The following IQCM variants were observed in gnomAD, a reference collection of about 807,000 sequenced individuals.
IQCM encodes the protein IQ domain-containing protein M.
A neutral mutation model predicts 57.6 loss-of-function variants in IQCM; 45 were observed. That is an observed-to-expected ratio of 0.78 (90% CI 0.62 to 1.00). The LOEUF (loss-of-function observed/expected upper bound fraction) is 1.00. IQCM is among the 50% of genes least tolerant of loss of function. IQCM has a pLI of 0.00. For missense variants in IQCM, 468 were observed against 511.6 expected (o/e 0.91, Z 0.82); for synonymous variants, 148 against 158.9 (o/e 0.93, Z 0.51).
chr4:149,708,069 A>G (rs1764289835), intron 5 of IQCM, among the ~76,000 whole-genome samples: 1 of 151,940 alleles, frequency 6.6e-6, no homozygotes, highest in African/African-American at 2.4e-5. Context: ...CCATCCACTC[A>G]ACATTTCTGA....
intron 13 of IQCM, among the ~76,000 whole-genome samples, chr4:149,417,172 G>A (rs1259829838): frequency 6.6e-6 from 1 of 152,152 alleles, no homozygotes; most frequent in Admixed American, 6.6e-5. Flanking sequence ...CTCAATTCAA[G>A]ATTGCAAAGT....
At chr4:149,552,873 A>G (rs1414247080) in intron 11 of IQCM, among the ~76,000 whole-genome samples, 1 of 152,200 alleles carries the variant, frequency 6.6e-6, no homozygotes, top group Admixed American at 6.5e-5. Context: ...TTTCATATTC[A>G]GTCTGAAATC....
chr4:149,505,571 T>C (rs563225039), intron 12 of IQCM, among the ~76,000 whole-genome samples: 2 of 152,192 alleles, frequency 1.3e-5, no homozygotes, highest in South Asian at 4.1e-4. Flanking sequence ...AAGAAGCAAG[T>C]ATAAATCATC....
At chr4:149,777,144 T>A (rs1299589018) in intron 2 of IQCM, among the ~76,000 whole-genome samples, 1 of 152,214 alleles carries the variant, frequency 6.6e-6, no homozygotes, top group Non-Finnish European at 1.5e-5. Context: ...CTATGACCAC[T>A]AAGATTTACT....
At chr4:149,697,554 C>T (rs1039231449) in intron 5 of IQCM, among the ~76,000 whole-genome samples, 1 of 151,902 alleles carries the variant, frequency 6.6e-6, no homozygotes, top group African/African-American at 2.4e-5. Flanking sequence ...GGCTTTTTTG[C>T]CCCCTGCAGA....
At chr4:149,587,336 GA>G in intron 9 of IQCM, among the ~76,000 whole-genome samples, 1 of 151,776 alleles carries the variant, frequency 6.6e-6, no homozygotes. Context: ...ATTAATAAAT[GA>G]ATGTATTCCC....
intron 13 of IQCM, among the ~76,000 whole-genome samples, chr4:149,408,666 G>T (rs1733153843): frequency 6.6e-6 from 1 of 152,134 alleles, no homozygotes; most frequent in South Asian, 2.1e-4. Context: ...CAGTATGTTT[G>T]TGTTTATGTA....
At chr4:149,650,272 T>C (rs979270759) in intron 7 of IQCM, among the ~76,000 whole-genome samples, 3 of 152,102 alleles carry the variant, frequency 2.0e-5, no homozygotes, top group Admixed American at 2.0e-4. Flanking sequence ...AGGCACAGAT[T>C]AGAAATATGC....
chr4:149,797,786 A>G (rs927502174), intron 2 of IQCM, among the ~76,000 whole-genome samples: 5 of 149,736 alleles, frequency 3.3e-5, no homozygotes, highest in African/African-American at 9.7e-5. Context: ...CATATTTAAA[A>G]TGCTGAAGAA....
At chr4:149,445,180 T>G (rs767266299) in intron 12 of IQCM, among the ~76,000 whole-genome samples, 2 of 151,812 alleles carry the variant, frequency 1.3e-5, no homozygotes, top group Non-Finnish European at 2.9e-5. Flanking sequence ...TTCCTGAACA[T>G]TAGTGTGGTC....
At chr4:149,681,918 A>T (rs2150203885) in intron 7 of IQCM, among the ~76,000 whole-genome samples, 200 bp downstream of exon 7, 1 of 151,408 alleles carries the variant, frequency 6.6e-6, no homozygotes, top group South Asian at 2.1e-4. Flanking sequence ...TTAAAAATCC[A>T]GTCTCTCAAT....
chr4:149,549,393 C>CT (rs1212780916), intron 11 of IQCM, among the ~76,000 whole-genome samples: 1 of 151,384 alleles, frequency 6.6e-6, no homozygotes, highest in East Asian at 1.9e-4. Flanking sequence ...TGGCGGGCGC[C>CT]TGTAGTCCCA....
At chr4:149,787,628 A>T (rs914835955) in intron 2 of IQCM, among the ~76,000 whole-genome samples, 4 of 152,204 alleles carry the variant, frequency 2.6e-5, no homozygotes, top group African/African-American at 9.6e-5. Context: ...TGAAAATTGG[A>T]TATCCATATG....
At chr4:149,382,925 C>T (rs1177436959) in intron 13 of IQCM, among the ~76,000 whole-genome samples, 1 of 139,528 alleles carries the variant, frequency 7.2e-6, no homozygotes, top group Non-Finnish European at 1.5e-5. Context: ...TTTAGACCAG[C>T]AAGGAAAAAC....
At chr4:149,495,339 G>A (rs902806008) in intron 12 of IQCM, among the ~76,000 whole-genome samples, 2 of 152,082 alleles carry the variant, frequency 1.3e-5, no homozygotes, top group African/African-American at 4.8e-5. Context: ...CTAAGCACTA[G>A]TTTGAGAGCC....
At chr4:149,680,855 TTAAA>T (rs1393647885) in intron 7 of IQCM, among the ~76,000 whole-genome samples, 1 of 151,390 alleles carries the variant, frequency 6.6e-6, no homozygotes, top group Admixed American at 6.6e-5. Context: ...TTGTTTAGCA[TTAAA>T]TAAACTATGG....
At chr4:149,442,951 CACAGAG>C (rs70965185) in intron 12 of IQCM, among the ~76,000 whole-genome samples, 7,393 of 110,438 alleles carry the variant, frequency 0.067, 154 homozygotes, top group Non-Finnish European at 0.076. Context: ...CACACACACA[CACAGAG>C]AGAGAGAGAG....
intron 7 of IQCM, among the ~76,000 whole-genome samples, chr4:149,622,807 A>G (rs1290443060): frequency 6.6e-6 from 1 of 152,138 alleles, no homozygotes; most frequent in Non-Finnish European, 1.5e-5. Flanking sequence ...GCTCATGGGC[A>G]TTATTCCTGA....
At chr4:149,512,214 T>C (rs1279813624) in intron 12 of IQCM, among the ~76,000 whole-genome samples, 2 of 152,154 alleles carry the variant, frequency 1.3e-5, no homozygotes, top group African/African-American at 2.4e-5. Flanking sequence ...TCTTATTCCA[T>C]TGATCAGCTT....
Sources: gnomAD v4.1 joint callset for allele counts (sites outside exome capture counted in the v4.1 genomes callset) on GRCh38, gnomAD v4.1.1 for gene constraint, MANE v1.5 for transcripts, NCBI Gene and HGNC (gene_info 2026-07-23, HGNC 2026-07-21) for gene names.